UNC13B: variants seen among roughly 807,000 people sequenced by gnomAD.
UNC13B encodes the protein unc-13 homolog B, also known as protein unc-13 homolog B.
A neutral mutation model predicts 211.0 loss-of-function variants in UNC13B; 144 were observed. The ratio of observed to expected loss-of-function variants is 0.68; its 90% CI spans 0.60 to 0.78. The LOEUF is 0.78. Among genes scored for constraint, UNC13B ranks in the 30% least tolerant of loss-of-function variants. UNC13B has a pLI of 0.00. For missense variants in UNC13B, 1,777 were observed against 2,002.0 expected, an observed-to-expected ratio of 0.89 and a Z score of 2.14; for synonymous variants, 709 against 725.8, an observed-to-expected ratio of 0.98 and a Z score of 0.37.
At chr9:35,397,566 C>A in intron 29 of UNC13B, 69 bp from the exon 30 acceptor site, 2 of 1,528,014 alleles carry the variant, frequency 1.3e-6, no homozygotes, top group South Asian at 2.4e-5. Flanking sequence ...AGAAGTGCCA[C>A]CTCAGGCAAG....
intron 1 of UNC13B, among the ~76,000 whole-genome samples, chr9:35,220,633 A>C (rs1036327374): frequency 6.6e-6 from 1 of 152,192 alleles, no homozygotes; most frequent in Non-Finnish European, 1.5e-5. Flanking sequence ...TTGTGGCTGA[A>C]TAGTACTCCA....
intron 1 of UNC13B, among the ~76,000 whole-genome samples, chr9:35,184,815 G>T (rs909579946): frequency 1.4e-5 from 1 of 69,632 alleles, no homozygotes; most frequent in Non-Finnish European, 2.9e-5. Flanking sequence ...GGGGGGGGGG[G>T]AGAGAGAGAG....
intron 13 of UNC13B, among the ~76,000 whole-genome samples, 184 bp from the exon 14 acceptor site, chr9:35,374,943 C>G (rs1834299400): frequency 6.6e-6 from 1 of 152,182 alleles, no homozygotes; most frequent in Non-Finnish European, 1.5e-5. Flanking sequence ...CCCTGAGGGC[C>G]TTGGGTTTTG....
chr9:35,169,213 T>A (rs1184967874), intron 1 of UNC13B, among the ~76,000 whole-genome samples: 4 of 152,100 alleles, frequency 2.6e-5, no homozygotes, highest in Non-Finnish European at 5.9e-5. Context: ...AAATTAGCTG[T>A]GCGTGTTGAC....
chr9:35,336,842 G>GT (rs1447729583), intron 11 of UNC13B, among the ~76,000 whole-genome samples: 41 of 152,146 alleles, frequency 2.7e-4, no homozygotes, highest in African/African-American at 9.4e-4. Flanking sequence ...TACCAAAGTA[G>GT]TTTTTCATGT....
intron 1 of UNC13B, among the ~76,000 whole-genome samples, chr9:35,187,325 T>G (rs1466138393): frequency 6.6e-6 from 1 of 152,212 alleles, no homozygotes; most frequent in Non-Finnish European, 1.5e-5. Context: ...AACTAGCATA[T>G]TGATCCAGCT....
rs1482888888 is a variant in UNC13B at position 35,162,211 on chromosome 9, G to A, written c.-73G>A. 7.1e-6 allele frequency: 11 copies of A among 1,539,938 alleles called. No homozygotes were observed. The highest frequency in any genetic ancestry group is 1.4e-5 in the African/African-American group (1 of 72,974). On this transcript the variant is annotated 5_prime_UTR_variant, in exon 1 of 40. Transcript: ENST00000635942. ...GGGGCCGGTAACGAGAGCAGTCGCG[G>A]CACCTGCTGAGAGGAAAGAGGGAGC... is the stretch of plus-strand genomic sequence containing the variant.
intron 1 of UNC13B, among the ~76,000 whole-genome samples, chr9:35,221,331 T>C (rs1202900042): frequency 1.3e-5 from 2 of 152,114 alleles, no homozygotes; most frequent in Admixed American, 6.5e-5. Flanking sequence ...TGGCCTCTCA[T>C]AGTGCTGGGA....
chr9:35,238,936 C>T (rs574667461), intron 5 of UNC13B, among the ~76,000 whole-genome samples: 3 of 148,410 alleles, frequency 2.0e-5, no homozygotes, highest in African/African-American at 7.5e-5. Context: ...ATGTTATATA[C>T]CGCAAACTAA....
At chr9:35,236,230 C>T (rs10972392) in intron 3 of UNC13B, among the ~76,000 whole-genome samples, 3 of 152,038 alleles carry the variant, frequency 2.0e-5, no homozygotes, top group Non-Finnish European at 2.9e-5. Flanking sequence ...ACTGGAGGCA[C>T]TATGTGGTAT....
chr9:35,317,853 A>G (rs1201832388), intron 11 of UNC13B, among the ~76,000 whole-genome samples: 2 of 152,064 alleles, frequency 1.3e-5, no homozygotes, highest in Non-Finnish European at 1.5e-5. Flanking sequence ...AGCATTTAAA[A>G]TGAACATTTA....
chr9:35,400,499 C>A, intron 37 of UNC13B, 56 bp downstream of exon 37: 1 of 1,557,906 alleles, frequency 6.4e-7, no homozygotes, highest in Non-Finnish European at 8.7e-7. Flanking sequence ...ACATCTTCCC[C>A]TAGGGAGTCT....
At chr9:35,280,309 A>G (rs576236785) in intron 7 of UNC13B, among the ~76,000 whole-genome samples, 16 of 152,302 alleles carry the variant, frequency 1.1e-4, no homozygotes, top group Admixed American at 3.3e-4. Flanking sequence ...AAAAGTAGGA[A>G]GAAAGGGTTC....
intron 7 of UNC13B, among the ~76,000 whole-genome samples, chr9:35,281,248 CAA>C (rs74176713): frequency 1.5e-3 from 175 of 117,212 alleles, no homozygotes; most frequent in Non-Finnish European, 1.3e-3. Flanking sequence ...GACTCTATCT[CAA>C]AAAAAAAAAA....
chr9:35,374,774 C>T (rs1368979378), intron 13 of UNC13B, among the ~76,000 whole-genome samples: 1 of 152,176 alleles, frequency 6.6e-6, no homozygotes, highest in Non-Finnish European at 1.5e-5. Flanking sequence ...TCTTAATTAC[C>T]TGTTTCCTAC....
chr9:35,249,522 C>T (rs1826329126), intron 6 of UNC13B, among the ~76,000 whole-genome samples: 1 of 152,144 alleles, frequency 6.6e-6, no homozygotes, highest in South Asian at 2.1e-4. Flanking sequence ...TTTAGTGCTT[C>T]CTTCAGGAGC....
At chr9:35,224,386 T>G (rs1271761935) in intron 1 of UNC13B, among the ~76,000 whole-genome samples, 1 of 152,242 alleles carries the variant, frequency 6.6e-6, no homozygotes, top group African/African-American at 2.4e-5. Context: ...TTCCCAGGTA[T>G]TGAATATTTT....
intron 7 of UNC13B, chr9:35,291,198 A>G: frequency 8.2e-7 from 1 of 1,217,212 alleles, no homozygotes; most frequent in South Asian, 1.4e-5. Flanking sequence ...TCATGCATAG[A>G]CTTCCATTTC....
intron 7 of UNC13B, among the ~76,000 whole-genome samples, chr9:35,285,623 A>G (rs1828747546): frequency 6.6e-6 from 1 of 152,120 alleles, no homozygotes; most frequent in South Asian, 2.1e-4. Context: ...AGGCTAGGGT[A>G]GGAGGATTGG....
Sources: gnomAD v4.1 joint callset for allele counts (sites outside exome capture counted in the v4.1 genomes callset) on GRCh38, gnomAD v4.1.1 for gene constraint, MANE v1.5 for transcripts, NCBI Gene and HGNC (gene_info 2026-07-23, HGNC 2026-07-21) for gene names.